The following ARHGEF38 variants were observed in gnomAD, a reference collection of about 807,000 sequenced individuals.
ARHGEF38 encodes the protein Rho guanine nucleotide exchange factor (GEF) 38.
Under a neutral mutation model 79.9 loss-of-function variants are expected in ARHGEF38, and 79 were observed. The observed-to-expected ratio is 0.99, with a 90% confidence interval of 0.82 to 1.19. ARHGEF38 has a LOEUF of 1.19. ARHGEF38 is among the 50% of genes most tolerant of loss of function. The pLI is 0.00. For missense variants in ARHGEF38, 962 were observed against 907.2 expected (o/e 1.06, Z -0.78); for synonymous variants, 366 against 328.3 (o/e 1.11, Z -1.24).
At chr4:105,646,843 A>T (rs1000671737) in intron 6 of ARHGEF38, among the ~76,000 whole-genome samples, 19 of 112,334 alleles carry the variant, frequency 1.7e-4, no homozygotes, top group African/African-American at 5.3e-4. Context: ...TTTTTTTTTT[A>T]AAGTAAATTT....
chr4:105,625,072 C>T (rs186032943), intron 3 of ARHGEF38, among the ~76,000 whole-genome samples: 14 of 152,232 alleles, frequency 9.2e-5, no homozygotes, highest in Admixed American at 8.5e-4. Flanking sequence ...ATATCTCAGG[C>T]CATAATTTAT....
intron 10 of ARHGEF38, among the ~76,000 whole-genome samples, chr4:105,665,188 T>A (rs1730703029): frequency 6.6e-6 from 1 of 151,854 alleles, no homozygotes; most frequent in Non-Finnish European, 1.5e-5. Flanking sequence ...TTATTATTAT[T>A]ATTATTTTGT....
At chr4:105,654,007 TATTTTAA>T in intron 7 of ARHGEF38, 51 bp from the exon 8 acceptor site, 1 of 1,019,948 alleles carries the variant, frequency 9.8e-7, no homozygotes. Context: ...TGGTCTGTGC[TATTTTAA>T]AAAATATCTG....
chr4:105,639,913 C>A (rs1372037425), intron 5 of ARHGEF38, among the ~76,000 whole-genome samples: 1 of 151,986 alleles, frequency 6.6e-6, no homozygotes, highest in Admixed American at 6.6e-5. Context: ...GTTTCAATAG[C>A]CAAATCGTTC....
At chr4:105,606,126 G>A (rs1032827939) in intron 2 of ARHGEF38, among the ~76,000 whole-genome samples, 1 of 152,086 alleles carries the variant, frequency 6.6e-6, no homozygotes, top group African/African-American at 2.4e-5. Flanking sequence ...CAAATCAGAT[G>A]ATGGCCAAGG....
intron 9 of ARHGEF38, among the ~76,000 whole-genome samples, chr4:105,657,316 G>C (rs1312095852): frequency 6.6e-6 from 1 of 152,052 alleles, no homozygotes; most frequent in African/African-American, 2.4e-5. Flanking sequence ...TGCATACCTT[G>C]CATAAAACCA....
At chr4:105,680,970 A>C (rs1339446814), downstream of ARHGEF38, 1 of 152,260 alleles carries the variant, frequency 6.6e-6, no homozygotes, top group Admixed American at 6.5e-5. Context: ...CTGAGTTTTT[A>C]TGTCAGGTAA....
intron 2 of ARHGEF38, among the ~76,000 whole-genome samples, chr4:105,603,885 C>A (rs1262445450): frequency 2.6e-5 from 4 of 152,184 alleles, no homozygotes; most frequent in Non-Finnish European, 5.9e-5. Flanking sequence ...TTTGCAAGTT[C>A]TGCATATGGC....
At chr4:105,654,905 T>C (rs1730260354) in intron 8 of ARHGEF38, among the ~76,000 whole-genome samples, 1 of 152,230 alleles carries the variant, frequency 6.6e-6, no homozygotes, top group Non-Finnish European at 1.5e-5. Flanking sequence ...GTTTTTCTCC[T>C]GGATATCTTA....
chr4:105,655,098 A>G (rs1207314093), intron 8 of ARHGEF38, among the ~76,000 whole-genome samples: 1 of 152,150 alleles, frequency 6.6e-6, no homozygotes, highest in Non-Finnish European at 1.5e-5. Flanking sequence ...AAAACCAAAA[A>G]CAGTTATAAC....
intron 3 of ARHGEF38, among the ~76,000 whole-genome samples, chr4:105,628,675 A>G (rs973344811): frequency 6.6e-6 from 1 of 152,150 alleles, no homozygotes; most frequent in Admixed American, 6.5e-5. Flanking sequence ...CACTACTAAA[A>G]CAAACAAACA....
intron 2 of ARHGEF38, 112 bp from the exon 3 acceptor site, chr4:105,613,268 CAGAA>C (rs3214769): frequency 0.11 from 139,723 of 1,254,600 alleles, 8,270 homozygotes; most frequent in Middle Eastern, 0.17. Flanking sequence ...AGAATGTTAA[CAGAA>C]ATGGTTAATG....
At chr4:105,652,098 G>A (rs756126381) in intron 7 of ARHGEF38, among the ~76,000 whole-genome samples, 6 of 152,200 alleles carry the variant, frequency 3.9e-5, no homozygotes, top group Non-Finnish European at 7.3e-5. Context: ...GTAGTCTCTA[G>A]CAGGGCAGCC....
intron 3 of ARHGEF38, 87 bp downstream of exon 3, chr4:105,613,594 C>G: frequency 7.0e-7 from 1 of 1,437,388 alleles, no homozygotes; most frequent in Non-Finnish European, 9.6e-7. Flanking sequence ...TTGTTCCTGA[C>G]TCACCATGCT....
chr4:105,599,792 T>G (rs1727746117), intron 2 of ARHGEF38, among the ~76,000 whole-genome samples: 2 of 152,322 alleles, frequency 1.3e-5, no homozygotes, highest in African/African-American at 4.8e-5. Flanking sequence ...GTAAGGCACT[T>G]TAGACACAGG....
chr4:105,627,584 A>G (rs1158727962), intron 3 of ARHGEF38, among the ~76,000 whole-genome samples: 1 of 152,178 alleles, frequency 6.6e-6, no homozygotes. Flanking sequence ...GGGGATGCCA[A>G]TGCAGAAATT....
chr4:105,679,820 TAGG>T lies in ARHGEF38; in HGVS notation c.*1885_*1887del, dbSNP rs1276627863. 4.0e-6 allele frequency: 5 copies of T among 1,245,776 alleles called. No homozygotes were observed. Among genetic ancestry groups the T allele is most frequent in the Non-Finnish European group, 5.9e-6 (5 of 850,428 alleles). 77.2% of individuals were successfully genotyped at this position (1,245,776 alleles called of 1,614,324 possible). Reference sequence around the variant, plus strand: ...ACCCACGCATCCAGAGAGATGGATATAGGACTCAATATCCTGAGGAGGAGAACT... The same window carrying T: ...ACCCACGCATCCAGAGAGATGGATATACTCAATATCCTGAGGAGGAGAACT... On this transcript the variant is annotated 3_prime_UTR_variant, in exon 14 of 14. Transcript: ENST00000420470.
chr4:105,603,322 C>T (rs140256770), intron 2 of ARHGEF38, among the ~76,000 whole-genome samples: 13 of 152,238 alleles, frequency 8.5e-5, no homozygotes, highest in Admixed American at 3.9e-4. Flanking sequence ...CAAAGTCACA[C>T]AGCTGGAATG....
At chr4:105,573,046 A>T (rs1324959355) in intron 1 of ARHGEF38, among the ~76,000 whole-genome samples, 1 of 68,576 alleles carries the variant, frequency 1.5e-5, no homozygotes, top group Admixed American at 1.8e-4. Context: ...TTTGGAGAAA[A>T]ATCTATTCAA....
Sources: allele counts gnomAD v4.1 joint callset (sites outside exome capture counted in the v4.1 genomes callset), GRCh38; gene constraint gnomAD v4.1.1; transcripts MANE v1.5; gene names NCBI Gene and HGNC (gene_info 2026-07-23, HGNC 2026-07-21).